The following NID2 variants were observed in gnomAD, a reference collection of about 807,000 sequenced individuals.
The protein encoded by NID2 is nidogen-2.
Under a neutral mutation model 145.4 loss-of-function variants are expected in NID2, and 83 were observed. The observed-to-expected ratio is 0.57, with a 90% confidence interval of 0.48 to 0.69. NID2 has a LOEUF of 0.69. Ranked by LOEUF, NID2 falls within the 30% of genes least tolerant of loss-of-function variation. The probability of loss-of-function intolerance (pLI) is 0.00; values close to 1 mark genes in which losing one functional copy is unlikely to be tolerated. For synonymous variants in NID2, 739 were observed against 701.3 expected (o/e 1.05, Z -0.85); for missense variants, 1,807 against 1,765.7 (o/e 1.02, Z -0.42).
chr14:52,019,083 C>A lies in NID2; in HGVS notation c.3006G>T (p.Pro1002=). ...CACCTGGTGATGGTCCACAGTGAGG[C>A]GGGGTGGAGCCAGGTGGAGTCTGGG... ...PGTQTPPGST[P]PHCGPSPEPT... The change falls in exon 14 of 22, where the codon CCG becomes CCT. Residue 1002 remains proline, a synonymous_variant. Coordinates refer to ENST00000216286, the MANE Select transcript of NID2 (RefSeq NM_007361.4). The A allele has an allele frequency of 1.2e-6, 2 of 1,613,916 alleles. No individual in the cohort carries two copies. Among genetic ancestry groups the A allele is most frequent in the Non-Finnish European group, 1.7e-6 (2 of 1,179,904 alleles).
intron 9 of NID2, among the ~76,000 whole-genome samples, chr14:52,030,606 GAGAAAGAA>G (rs1891815518): frequency 1.3e-5 from 1 of 76,678 alleles, no homozygotes; most frequent in East Asian, 3.7e-4. Context: ...AAGAAAGAAA[GAGAAAGAA>G]AAAGAAAGAA....
At chr14:52,028,273 G>GT (rs879604298) in intron 11 of NID2, among the ~76,000 whole-genome samples, 7 of 26,802 alleles carry the variant, frequency 2.6e-4, no homozygotes, top group East Asian at 6.1e-3. Flanking sequence ...AGATTTTGTT[G>GT]TTTTTTTTTT....
chr14:52,061,701 A>G (rs1184122120), intron 2 of NID2, among the ~76,000 whole-genome samples: 2 of 152,212 alleles, frequency 1.3e-5, no homozygotes, highest in African/African-American at 2.4e-5. Flanking sequence ...CCAGGTCCTT[A>G]TAGGATCACT....
rs772048272 is a variant in NID2 at position 52,027,292 on chromosome 14, A to C, written c.2583T>G (p.Pro861=). 1 of 1,596,090 alleles carries C rather than the reference A, an allele frequency of 6.3e-7. No individual in the cohort carries two copies. The highest frequency in any genetic ancestry group is 8.5e-7 in the Non-Finnish European group (1 of 1,172,166). Residue 861 remains proline, a synonymous_variant, in exon 12 of 22, where the codon CCT becomes CCG. Transcript: ENST00000216286. The stretch of plus-strand genomic sequence containing the variant: ...GGTGAACACACCGGGCCTGCCCAGC[A>C]GGAGCACAGGTATGACTGCCATCCT... The part of the protein sequence containing the change: ...PCEDGSHTCA[P]AGQARCVHHG...
chr14:52,037,903 C>A (rs1285068171), intron 9 of NID2, among the ~76,000 whole-genome samples: 1 of 152,212 alleles, frequency 6.6e-6, no homozygotes, highest in Non-Finnish European at 1.5e-5. Flanking sequence ...ATTTCTTAAT[C>A]TTTAGTTTGC....
In NID2 at chr14:52,027,196, C is replaced by A; in HGVS notation, c.2674+5G>T. 6.7e-7 allele frequency: 1 copy of A among 1,493,212 alleles called. No homozygotes were observed. Among genetic ancestry groups the A allele is most frequent in the Non-Finnish European group, 8.9e-7 (1 of 1,118,188 alleles). The allele number at this position is 1,493,212 out of a possible 1,614,324, so 92.5% of individuals were successfully genotyped here. A position where few individuals can be genotyped will look rare whatever the true frequency, so the allele number is the denominator to read the frequency against. On this transcript the variant is annotated splice_donor_5th_base_variant and intron_variant, in intron 12 of 21. Coordinates refer to ENST00000216286, the MANE Select transcript of NID2 (RefSeq NM_007361.4). The stretch of plus-strand genomic sequence containing the variant: ...AGTCATTGAGGCTGACCTGCAGTTA[C>A]TCACCAGTGCACTGGTGCCCATCGC...
intron 3 of NID2, among the ~76,000 whole-genome samples, chr14:52,057,503 G>A (rs1892890295): frequency 6.6e-6 from 1 of 152,048 alleles, no homozygotes. Context: ...AGGAGTTTTA[G>A]ACCAGCCTGG....
At chr14:52,020,598 T>C (rs1891369893) in intron 12 of NID2, among the ~76,000 whole-genome samples, 1 of 152,214 alleles carries the variant, frequency 6.6e-6, no homozygotes. Context: ...TCTTTCGTTG[T>C]TGGCACCATC....
intron 12 of NID2, among the ~76,000 whole-genome samples, chr14:52,026,277 G>A (rs1256130065): frequency 2.0e-5 from 3 of 152,246 alleles, no homozygotes; most frequent in African/African-American, 7.2e-5. Flanking sequence ...GAATTGCAAA[G>A]CTGTTCTTAG....
At chr14:52,013,681 G>A (rs969108164) in intron 16 of NID2, among the ~76,000 whole-genome samples, 3 of 152,052 alleles carry the variant, frequency 2.0e-5, no homozygotes, top group African/African-American at 7.3e-5. Context: ...GAGGCTGCTG[G>A]CTCAGGAAGC....
Position 52,019,143 on chromosome 14 carries a change from C to T in NID2, c.2946G>A (p.Trp982Ter), listed in dbSNP as rs1566747474. The T allele has an allele frequency of 6.2e-7, 1 of 1,614,108 alleles. No individual in the cohort carries two copies. The highest frequency in any genetic ancestry group is 8.5e-7 in the Non-Finnish European group (1 of 1,180,034). ...LQCHGSTGFC[W>*]CVDPDGHEVP... ...CTTCATGACCATCAGGGTCCACGCA[C>T]CAGCAGAAACCAGTGCTGCCATGAC... Residue 982 changes from tryptophan (W) to a stop codon, truncating the protein, a stop_gained, in exon 14 of 22, where the codon TGG becomes TGA. Transcript: ENST00000216286. LOFTEE classifies it high-confidence loss of function.
At chr14:52,031,475 C>G (rs1054867542) in intron 9 of NID2, among the ~76,000 whole-genome samples, 2 of 152,096 alleles carry the variant, frequency 1.3e-5, no homozygotes, top group Non-Finnish European at 2.9e-5. Flanking sequence ...TTTCCAGAGC[C>G]CCAGCTAAGC....
In NID2 at chr14:52,005,818, C is replaced by T. The variant is rs780000422; in HGVS notation, c.4036G>A (p.Gly1346Ser). ...DGVVSVNKHS[G>S]QFTDEYLPEQ... ...GGGAGATACTCATCAGTAAACTGGC[C>T]ACTATGTTTATTTACTGATACAACA... Residue 1346 changes from glycine (G) to serine (S), a missense_variant, in exon 21 of 22, where the codon GGC (glycine) becomes AGC (serine). Coordinates refer to ENST00000216286, the MANE Select transcript of NID2 (RefSeq NM_007361.4). 36 of 1,613,350 alleles carry T rather than the reference C, an allele frequency of 2.2e-5. No homozygotes were observed. Among genetic ancestry groups the T allele is most frequent in the Non-Finnish European group, 8.5e-7 (1 of 1,179,486 alleles).
chr14:52,014,533 C>G, intron 15 of NID2, 77 bp from the exon 16 acceptor site: 1 of 1,412,078 alleles, frequency 7.1e-7, no homozygotes, highest in South Asian at 1.3e-5. Flanking sequence ...TACTTTACCA[C>G]ATACCAGAGC....
In NID2 at chr14:52,038,734, A is replaced by C; in HGVS notation, c.2257+13T>G. Reference sequence around the variant, plus strand: ...ATGTCATTTTTACCCAACAACAAAAAAGGAAACCTTACCTTTGACCGGGCC... The same window carrying C: ...ATGTCATTTTTACCCAACAACAAAACAGGAAACCTTACCTTTGACCGGGCC... On this transcript the variant is annotated intron_variant, in intron 9 of 21. Coordinates refer to ENST00000216286, the MANE Select transcript of NID2 (RefSeq NM_007361.4). 1.3e-6 allele frequency: 2 copies of C among 1,538,602 alleles called. No individual in the cohort carries two copies. The highest frequency in any genetic ancestry group is 8.7e-7 in the Non-Finnish European group (1 of 1,144,438).
intron 14 of NID2, 97 bp from the exon 15 acceptor site, chr14:52,015,372 G>A: frequency 8.5e-7 from 1 of 1,181,160 alleles, no homozygotes; most frequent in Non-Finnish European, 1.2e-6. Flanking sequence ...TGGCCTCCTG[G>A]CCTTCCTTCT....
At chr14:52,033,986 A>G (rs2749873) in intron 9 of NID2, among the ~76,000 whole-genome samples, 68,883 of 151,822 alleles carry the variant, frequency 0.45, 16,666 homozygotes, top group South Asian at 0.58. Flanking sequence ...CAGTCTCATC[A>G]TCTGTAAAAT....
intron 12 of NID2, among the ~76,000 whole-genome samples, chr14:52,026,571 A>G (rs1486582486): frequency 1.3e-5 from 2 of 152,196 alleles, no homozygotes; most frequent in Non-Finnish European, 2.9e-5. Flanking sequence ...AAGTACTCCT[A>G]ATCCTAGTTT....
intron 14 of NID2, 25 bp downstream of exon 14, chr14:52,019,036 T>G (rs764959685): frequency 4.4e-6 from 7 of 1,587,760 alleles, no homozygotes; most frequent in Middle Eastern, 1.7e-4. Context: ...CCATTCTGCT[T>G]CTTGAGCCCC....
Sources: gnomAD v4.1 joint callset for allele counts (sites outside exome capture counted in the v4.1 genomes callset) on GRCh38, gnomAD v4.1.1 for gene constraint, MANE v1.5 for transcripts, NCBI Gene and HGNC (gene_info 2026-07-23, HGNC 2026-07-21) for gene names.